TTLL5: variants seen among roughly 807,000 people sequenced by gnomAD.
The protein encoded by TTLL5 is tubulin polyglutamylase TTLL5.
A neutral mutation model predicts 168.4 loss-of-function variants in TTLL5; 132 were observed. That is an observed-to-expected ratio of 0.78 (90% CI 0.68 to 0.91). The LOEUF (loss-of-function observed/expected upper bound fraction) is 0.91. TTLL5 is among the 40% of genes least tolerant of loss of function. TTLL5 has a pLI of 0.00. For missense variants in TTLL5, 1,545 were observed against 1,581.5 expected, an observed-to-expected ratio of 0.98 and a Z score of 0.39; for synonymous variants, 546 against 558.6, an observed-to-expected ratio of 0.98 and a Z score of 0.32.
intron 2 of TTLL5, 67 bp downstream of exon 2, chr14:75,663,290 T>A: frequency 7.2e-7 from 1 of 1,381,792 alleles, no homozygotes; most frequent in Non-Finnish European, 1.0e-6. Context: ...TCTTATATAC[T>A]GTTTTACTAT....
At chr14:75,741,511 A>G (rs188930212) in intron 15 of TTLL5, among the ~76,000 whole-genome samples, 115 of 148,556 alleles carry the variant, frequency 7.7e-4, no homozygotes, top group African/African-American at 2.7e-3. Flanking sequence ...GTGGCCTTTC[A>G]AATCAGTCTG....
intron 9 of TTLL5, among the ~76,000 whole-genome samples, chr14:75,708,790 T>C (rs1419038525): frequency 2.0e-5 from 3 of 152,214 alleles, no homozygotes; most frequent in South Asian, 4.1e-4. Flanking sequence ...TGCTGTGTTC[T>C]TCCCCCCAAC....
At chr14:75,739,895 A>G (rs1376468338) in intron 15 of TTLL5, among the ~76,000 whole-genome samples, 2 of 152,144 alleles carry the variant, frequency 1.3e-5, no homozygotes, top group Non-Finnish European at 2.9e-5. Context: ...ATCTCTTGTT[A>G]TTTTGATATT....
In TTLL5 at chr14:75,758,980, A is replaced by G. The variant is rs75579675; in HGVS notation, c.1551-5635A>G. Reference sequence around the variant, plus strand: ...TTTGTTTTAAGAAACTGAAAAAAGTAGAGTAACTCCAAAGTAAGTGGAAGA... The same window carrying G: ...TTTGTTTTAAGAAACTGAAAAAAGTGGAGTAACTCCAAAGTAAGTGGAAGA... On this transcript the variant is annotated intron_variant, in intron 18 of 31. Coordinates refer to ENST00000298832, the MANE Select transcript of TTLL5 (RefSeq NM_015072.5). 4.2e-3 allele frequency among the ~76,000 whole-genome samples: 644 copies of G among 152,316 alleles called. 3 individuals are homozygous for G. The highest frequency in any genetic ancestry group is 0.031 in the Middle Eastern group (9 of 294).
chr14:75,728,231 C>G (rs754573854), intron 12 of TTLL5, among the ~76,000 whole-genome samples: 12 of 151,910 alleles, frequency 7.9e-5, no homozygotes, highest in Non-Finnish European at 1.6e-4. Context: ...TGGCAGGTGC[C>G]TGTAATCCTA....
At chr14:75,784,978 C>T (rs1453062126) in intron 26 of TTLL5, among the ~76,000 whole-genome samples, 1 of 152,034 alleles carries the variant, frequency 6.6e-6, no homozygotes, top group Non-Finnish European at 1.5e-5. Context: ...TTTATATACT[C>T]TAGATAAAAA....
At chr14:75,690,742 C>T (rs1250819997) in intron 6 of TTLL5, among the ~76,000 whole-genome samples, 1 of 152,050 alleles carries the variant, frequency 6.6e-6, no homozygotes, top group Non-Finnish European at 1.5e-5. Flanking sequence ...TCCTCAACCT[C>T]CCAAGTAGCT....
rs911950927 is a variant in TTLL5 at position 75,910,651 on chromosome 14, C to T, written c.3823+8427C>T. On this transcript the variant is annotated intron_variant, in intron 31 of 31. Transcript: ENST00000298832. ...CTTTGGAAAAAGCAAGCTTTCCACA[C>T]GGAAATATTTACACCTCTGCTTACC... Among the ~76,000 whole-genome samples the T allele has an allele frequency of 4.6e-5, 7 of 152,298 alleles. No homozygotes were observed. In the East Asian group the frequency reaches 9.6e-4, roughly 21 times the overall value.
Position 75,717,860 on chromosome 14 carries a change from G to A in TTLL5, c.741-1G>A, listed in dbSNP as rs1887576038. 6.2e-7 allele frequency: 1 copy of A among 1,613,452 alleles called. No homozygotes were observed. The highest frequency in any genetic ancestry group is 8.5e-7 in the Non-Finnish European group (1 of 1,179,774). On this transcript the variant is annotated splice_acceptor_variant, in intron 9 of 31. Transcript: ENST00000298832. LOFTEE classifies it high-confidence loss of function. ...CATTTAACCTGTTTCCCTTCTATCAGGTTTGCAACTGTGCGATATGATCAA... is the reference window on the plus strand; with the variant it reads ...CATTTAACCTGTTTCCCTTCTATCAAGTTTGCAACTGTGCGATATGATCAA...
intron 29 of TTLL5, among the ~76,000 whole-genome samples, chr14:75,879,597 A>ATTT (rs1341284659): frequency 6.6e-6 from 1 of 152,188 alleles, no homozygotes; most frequent in Non-Finnish European, 1.5e-5. Flanking sequence ...ATTTTTTTTA[A>ATTT]TTAAGCTCCT....
rs770582506 is a variant in TTLL5 at position 75,732,416 on chromosome 14, C to T, written c.1121C>T (p.Ala374Val). 1 of 1,613,462 alleles carries T rather than the reference C, an allele frequency of 6.2e-7. No individual in the cohort carries two copies. The highest frequency in any genetic ancestry group is 1.7e-5 in the Admixed American group (1 of 59,974). ...LLEVNLSPSLACDAPLDLKIK... is the reference protein window; with the variant it reads ...LLEVNLSPSLVCDAPLDLKIK... ...GAAGTGAATCTCTCTCCTTCTTTGGCCTGGTAAGTCAGTTCCATCAACTAA... is the reference window on the plus strand; with the variant it reads ...GAAGTGAATCTCTCTCCTTCTTTGGTCTGGTAAGTCAGTTCCATCAACTAA... Residue 374 changes from alanine (A) to valine (V), a missense_variant, in exon 13 of 32, where the codon GCC becomes GTC. Ala to Val is a moderately conservative substitution (Grantham distance 64, BLOSUM62 0). Transcript: ENST00000298832.
At chr14:75,921,866 A>T (rs1052431164) in intron 31 of TTLL5, among the ~76,000 whole-genome samples, 1 of 151,916 alleles carries the variant, frequency 6.6e-6, no homozygotes, top group Non-Finnish European at 1.5e-5. Flanking sequence ...TGAGCATGGA[A>T]TGTTCTTCAT....
At chr14:75,734,466 C>A (rs1214747530) in intron 14 of TTLL5, among the ~76,000 whole-genome samples, 1 of 152,178 alleles carries the variant, frequency 6.6e-6, no homozygotes, top group Non-Finnish European at 1.5e-5. Context: ...GAAGAAATCT[C>A]ATTTTAAGTA....
Position 75,735,215 on chromosome 14 carries a change from G to A in TTLL5, c.1207G>A (p.Ala403Thr). 1 of 1,614,190 alleles carries A rather than the reference G, an allele frequency of 6.2e-7. No homozygotes were observed. The change falls in exon 15 of 32, where the codon GCC becomes ACC. Residue 403 changes from alanine to threonine, a missense_variant. Transcript: ENST00000298832. ...TVVGFVCQDP[A>T]QRASTRPIYP... Reference sequence around the variant, plus strand: ...TTCAGGATTTGTGTGCCAAGATCCTGCCCAGCGGGCATCAACTCGGCCAAT... The same window carrying A: ...TTCAGGATTTGTGTGCCAAGATCCTACCCAGCGGGCATCAACTCGGCCAAT...
rs1341418983 is a variant in TTLL5 at position 75,773,925 on chromosome 14, T to TAG, written c.2137-1558_2137-1557insGA. On this transcript the variant is annotated intron_variant, in intron 21 of 31. Coordinates refer to ENST00000298832, the MANE Select transcript of TTLL5 (RefSeq NM_015072.5). ...AAAAATACATATATATATATATATA[T>TAG]ATAGAGAGAGAGAGAGAGAGAGAGA... Among the ~76,000 whole-genome samples the TAG allele has an allele frequency of 8.8e-3, 230 of 26,202 alleles. 2 individuals are homozygous for TAG. The highest frequency in any genetic ancestry group is 0.025 in the South Asian group (12 of 484). 17.2% of individuals were successfully genotyped at this position (26,202 alleles called of 152,430 possible).
intron 27 of TTLL5, among the ~76,000 whole-genome samples, chr14:75,795,801 C>T (rs1030374827): frequency 6.6e-6 from 1 of 151,958 alleles, no homozygotes; most frequent in Non-Finnish European, 1.5e-5. Flanking sequence ...TATATATATA[C>T]ACACCACATT....
At chr14:75,661,729 T>G (rs945843972) in intron 1 of TTLL5, 1 of 152,270 alleles carries the variant, frequency 6.6e-6, no homozygotes, top group Non-Finnish European at 1.5e-5. Flanking sequence ...GTTTGGAGGT[T>G]TTGTTTGTTT....
chr14:75,775,459 T>TC lies in TTLL5; in HGVS notation c.2137-24dup, dbSNP rs771866860. 6.2e-6 allele frequency: 10 copies of TC among 1,610,290 alleles called. No individual in the cohort carries two copies. In the South Asian group the frequency reaches 9.9e-5, roughly 16 times the overall value. ...CTTAGCACCATCCCTCCTTTTTTTT[T>TC]CTCCCACGACTCTTTAATTTATAGG... is the stretch of plus-strand genomic sequence containing the variant. On this transcript the variant is annotated intron_variant, in intron 21 of 31. Coordinates refer to ENST00000298832, the MANE Select transcript of TTLL5 (RefSeq NM_015072.5).
chr14:75,764,872 G>C, intron 19 of TTLL5, 100 bp downstream of exon 19: 2 of 1,345,564 alleles, frequency 1.5e-6, no homozygotes, highest in Non-Finnish European at 2.0e-6. Flanking sequence ...GAATCTTCCT[G>C]ATCACATACA....
Sources: gnomAD v4.1 joint callset for allele counts (sites outside exome capture counted in the v4.1 genomes callset) on GRCh38, gnomAD v4.1.1 for gene constraint, MANE v1.5 for transcripts, NCBI Gene and HGNC (gene_info 2026-07-23, HGNC 2026-07-21) for gene names.